The following DDHD1 variants were observed in gnomAD, a reference collection of about 807,000 sequenced individuals.
DDHD1 encodes phospholipase DDHD1.
DDHD1 carries 49 observed loss-of-function variants against 96.4 expected under a neutral mutation model. The observed-to-expected ratio is 0.51, with a 90% confidence interval of 0.40 to 0.64. The LOEUF is 0.64. Among genes scored for constraint, DDHD1 ranks in the 30% least tolerant of loss-of-function variants. DDHD1 has a pLI of 0.00. For missense variants in DDHD1, 1,106 were observed against 1,161.2 expected, an observed-to-expected ratio of 0.95 and a Z score of 0.69; for synonymous variants, 442 against 446.5, an observed-to-expected ratio of 0.99 and a Z score of 0.13.
At chr14:53,135,379 G>C (rs939534552) in intron 1 of DDHD1, among the ~76,000 whole-genome samples, 1 of 152,150 alleles carries the variant, frequency 6.6e-6, no homozygotes, top group South Asian at 2.1e-4. Flanking sequence ...AATGCACTTG[G>C]TGAGATCCAC....
At chr14:53,077,626 T>C (rs1885080371) in intron 4 of DDHD1, among the ~76,000 whole-genome samples, 1 of 151,920 alleles carries the variant, frequency 6.6e-6, no homozygotes, top group Non-Finnish European at 1.5e-5. Context: ...TCTGTGAATC[T>C]CTCCAAGTTG....
At chr14:53,127,120 A>C (rs532242720) in intron 1 of DDHD1, among the ~76,000 whole-genome samples, 4 of 152,236 alleles carry the variant, frequency 2.6e-5, no homozygotes, top group Admixed American at 6.5e-5. Flanking sequence ...TTAAGAAACT[A>C]AAGTTACCAG....
At chr14:53,067,224 C>T (rs1221022818) in intron 6 of DDHD1, among the ~76,000 whole-genome samples, 4 of 150,548 alleles carry the variant, frequency 2.7e-5, no homozygotes, top group Admixed American at 6.6e-5. Context: ...AATGGCGTGA[C>T]CTCGACTAAC....
At chr14:53,130,717 G>A (rs1189920949) in intron 1 of DDHD1, among the ~76,000 whole-genome samples, 1 of 152,178 alleles carries the variant, frequency 6.6e-6, no homozygotes, top group African/African-American at 2.4e-5. Context: ...CCGCAGCCCG[G>A]GATTCCTCGT....
chr14:53,060,470 C>G (rs1396835049), intron 8 of DDHD1, among the ~76,000 whole-genome samples: 1 of 152,302 alleles, frequency 6.6e-6, no homozygotes, highest in South Asian at 2.1e-4. Flanking sequence ...ACTAAGTTTG[C>G]TCACACAGCT....
intron 2 of DDHD1, among the ~76,000 whole-genome samples, chr14:53,101,021 A>G (rs551638854): frequency 1.2e-4 from 18 of 152,310 alleles, no homozygotes; most frequent in Admixed American, 1.1e-3. Flanking sequence ...TTCTTTCACA[A>G]AAGTGCCTAC....
chr14:53,127,150 A>T (rs1397977281), intron 1 of DDHD1, among the ~76,000 whole-genome samples: 1 of 152,270 alleles, frequency 6.6e-6, no homozygotes, highest in East Asian at 1.9e-4. Flanking sequence ...AAATTTATTT[A>T]GAAAATCATC....
At chr14:53,065,316 G>T (rs1572388) in intron 6 of DDHD1, among the ~76,000 whole-genome samples, 131,545 of 152,186 alleles carry the variant, frequency 0.86, 56,941 homozygotes, top group East Asian at 0.98. Flanking sequence ...AAATGTAATT[G>T]AGAGAGTTCT....
At chr14:53,101,233 G>C (rs899669678) in intron 2 of DDHD1, among the ~76,000 whole-genome samples, 2 of 152,014 alleles carry the variant, frequency 1.3e-5, no homozygotes, top group African/African-American at 4.8e-5. Context: ...TGATTTTCCC[G>C]ACAATGGTAG....
At chr14:53,114,520 A>G (rs1888397263) in intron 1 of DDHD1, among the ~76,000 whole-genome samples, 1 of 152,224 alleles carries the variant, frequency 6.6e-6, no homozygotes, top group African/African-American at 2.4e-5. Flanking sequence ...CCCCTCTGGG[A>G]CAAAGCTTCC....
intron 1 of DDHD1, among the ~76,000 whole-genome samples, chr14:53,120,246 C>T (rs946244279): frequency 4.6e-5 from 7 of 151,962 alleles, no homozygotes; most frequent in African/African-American, 9.7e-5. Flanking sequence ...TTACAAGGGA[C>T]GTGAAGGACG....
chr14:53,072,470 C>T (rs1339920674), intron 6 of DDHD1, 127 bp downstream of exon 6: 6 of 454,274 alleles, frequency 1.3e-5, no homozygotes, highest in Non-Finnish European at 2.3e-5. Flanking sequence ...TAAAAGTAGG[C>T]TATTTATAGA....
At chr14:53,117,867 C>A (rs535933439) in intron 1 of DDHD1, among the ~76,000 whole-genome samples, 2 of 152,312 alleles carry the variant, frequency 1.3e-5, no homozygotes, top group Admixed American at 6.5e-5. Flanking sequence ...GGGTCCCTGA[C>A]CCCTGTGTTG....
chr14:53,152,068 C>A (rs962625220), intron 1 of DDHD1, among the ~76,000 whole-genome samples, 193 bp downstream of exon 1: 3 of 152,196 alleles, frequency 2.0e-5, no homozygotes, highest in African/African-American at 7.2e-5. Flanking sequence ...TGACCCCAGG[C>A]AGCTTGGGTT....
At chr14:53,058,995 A>G (rs73294011) in intron 8 of DDHD1, among the ~76,000 whole-genome samples, 4,691 of 152,292 alleles carry the variant, frequency 0.031, 239 homozygotes, top group African/African-American at 0.1. Context: ...CTCAAAATTT[A>G]CAGTCCTGTG....
chr14:53,090,495 C>T (rs2139669703), intron 4 of DDHD1, among the ~76,000 whole-genome samples: 1 of 152,268 alleles, frequency 6.6e-6, no homozygotes, highest in East Asian at 1.9e-4. Context: ...CAATGATAGA[C>T]TGGATTAAGA....
rs997060853 is a variant in DDHD1 at position 53,040,838 on chromosome 14, A to G, written c.*5930T>C. 1 of 152,170 alleles carries G rather than the reference A, an allele frequency of 6.6e-6. No homozygotes were observed. Among genetic ancestry groups the G allele is most frequent in the African/African-American group, 2.4e-5 (1 of 41,444 alleles). 9.4% of individuals were successfully genotyped at this position (152,170 alleles called of 1,614,324 possible). A position where few individuals can be genotyped will look rare whatever the true frequency, so the allele number is the denominator to read the frequency against. On this transcript the variant is annotated 3_prime_UTR_variant, in exon 13 of 13. Transcript: ENST00000673822. ...TTTAGTAGTGTTAGAGAGAGTGAAC[A>G]TAAGAAGTCATAGGAGCTGAAAGAA...
chr14:53,072,320 GACA>G (rs1884576810), intron 6 of DDHD1, among the ~76,000 whole-genome samples: 1 of 151,942 alleles, frequency 6.6e-6, no homozygotes, highest in Admixed American at 6.6e-5. Context: ...CTTTTGTGAA[GACA>G]ACAATCATAG....
intron 1 of DDHD1, among the ~76,000 whole-genome samples, chr14:53,140,225 G>A (rs1425167795): frequency 6.6e-6 from 1 of 152,110 alleles, no homozygotes; most frequent in Non-Finnish European, 1.5e-5. Context: ...ACATACATAC[G>A]TAATTGAAAT....
Sources: allele counts gnomAD v4.1 joint callset (sites outside exome capture counted in the v4.1 genomes callset), GRCh38; gene constraint gnomAD v4.1.1; transcripts MANE v1.5; gene names NCBI Gene and HGNC (gene_info 2026-07-23, HGNC 2026-07-21).